Variants in CDH12 observed in about 807,000 individuals in gnomAD.
CDH12 encodes cadherin 12.
In CDH12, 41 loss-of-function variants were observed where a neutral mutation model predicts 74.1. That is an observed-to-expected ratio of 0.55 (90% CI 0.43 to 0.72). The LOEUF (loss-of-function observed/expected upper bound fraction) is 0.72. Among genes scored for constraint, CDH12 ranks in the 30% least tolerant of loss-of-function variants. The probability of loss-of-function intolerance (pLI) is 0.00; values close to 1 mark genes in which losing one functional copy is unlikely to be tolerated. For missense variants in CDH12, 945 were observed against 977.2 expected, an observed-to-expected ratio of 0.97 and a Z score of 0.44; for synonymous variants, 399 against 355.0, an observed-to-expected ratio of 1.12 and a Z score of -1.39.
chr5:22,607,793 G>A (rs181805787), intron 1 of CDH12, among the ~76,000 whole-genome samples: 222 of 152,338 alleles, frequency 1.5e-3, no homozygotes, highest in African/African-American at 5.0e-3. Context: ...AGAGGCCAAC[G>A]TACAGCTCAG....
chr5:21,785,949 C>G (rs1216936952), intron 10 of CDH12, among the ~76,000 whole-genome samples: 1 of 152,174 alleles, frequency 6.6e-6, no homozygotes, highest in South Asian at 2.1e-4. Flanking sequence ...AGAGAGAAGT[C>G]AATGCCTGGC....
chr5:22,513,303 G>A (rs1736684332), intron 1 of CDH12, among the ~76,000 whole-genome samples: 1 of 151,694 alleles, frequency 6.6e-6, no homozygotes, highest in Admixed American at 6.6e-5. Context: ...TGATACAGCT[G>A]AGCATTACTA....
chr5:21,913,316 C>T (rs1753944875), intron 6 of CDH12, among the ~76,000 whole-genome samples: 1 of 152,090 alleles, frequency 6.6e-6, no homozygotes, highest in Non-Finnish European at 1.5e-5. Context: ...ATATTTAAGC[C>T]ATTACAATAA....
chr5:21,920,530 G>T (rs954733100), intron 6 of CDH12, among the ~76,000 whole-genome samples: 2 of 152,166 alleles, frequency 1.3e-5, no homozygotes, highest in East Asian at 3.9e-4. Flanking sequence ...GCCTGTCAGG[G>T]TGTGGGGGCC....
At chr5:22,468,137 T>C (rs1424116740) in intron 2 of CDH12, among the ~76,000 whole-genome samples, 1 of 151,956 alleles carries the variant, frequency 6.6e-6, no homozygotes, top group East Asian at 1.9e-4. Context: ...GGGAGAAGAG[T>C]CTTTGGTTCT....
intron 1 of CDH12, among the ~76,000 whole-genome samples, chr5:22,636,777 C>A (rs1054644601): frequency 1.3e-5 from 2 of 152,086 alleles, no homozygotes; most frequent in Non-Finnish European, 2.9e-5. Context: ...TACTAAAAAC[C>A]ATTACATTTT....
chr5:21,935,019 T>C (rs933601124), intron 6 of CDH12, among the ~76,000 whole-genome samples: 6 of 152,044 alleles, frequency 3.9e-5, no homozygotes, highest in East Asian at 1.9e-4. Context: ...ATCTCCTGAC[T>C]TCGTGATCCG....
chr5:22,365,703 A>G (rs1740999439), intron 3 of CDH12, among the ~76,000 whole-genome samples: 1 of 152,206 alleles, frequency 6.6e-6, no homozygotes, highest in Non-Finnish European at 1.5e-5. Flanking sequence ...CAAAAACTCA[A>G]CAACTCTTTG....
intron 6 of CDH12, among the ~76,000 whole-genome samples, chr5:21,882,425 G>A (rs576010579): frequency 3.9e-5 from 6 of 152,164 alleles, no homozygotes; most frequent in Non-Finnish European, 8.8e-5. Context: ...GACATAGATT[G>A]GCTGTATTGC....
chr5:22,851,780 A>T, intron 1 of CDH12, among the ~76,000 whole-genome samples: 1 of 152,204 alleles, frequency 6.6e-6, no homozygotes, highest in East Asian at 1.9e-4. Flanking sequence ...ATTATTTATA[A>T]TAAAAACTTA....
intron 1 of CDH12, chr5:22,639,001 A>C (rs1283301358): frequency 7.3e-6 from 1 of 136,576 alleles, no homozygotes; most frequent in East Asian, 2.5e-4. Context: ...CAGTGAGCCG[A>C]GATCCCGCCA....
At chr5:21,890,948 C>G (rs146444511) in intron 6 of CDH12, among the ~76,000 whole-genome samples, 221 of 152,168 alleles carry the variant, frequency 1.5e-3, no homozygotes, top group Middle Eastern at 6.8e-3. Context: ...AACTGGCATA[C>G]AGGTTGTCAA....
At chr5:22,776,860 G>T (rs1168644683) in intron 1 of CDH12, among the ~76,000 whole-genome samples, 1 of 152,042 alleles carries the variant, frequency 6.6e-6, no homozygotes, top group Non-Finnish European at 1.5e-5. Flanking sequence ...ATAGTTTCAG[G>T]CAAAGACACA....
At chr5:22,283,257 C>A (rs6879913) in intron 3 of CDH12, among the ~76,000 whole-genome samples, 1 of 138,458 alleles carries the variant, frequency 7.2e-6, no homozygotes. Context: ...TATATACACA[C>A]ACACACACAC....
chr5:21,802,123 T>A, intron 10 of CDH12, 44 bp downstream of exon 10: 1 of 1,570,102 alleles, frequency 6.4e-7, no homozygotes, highest in African/African-American at 1.4e-5. Context: ...CTTGTTTTGT[T>A]TTGTTTTCCT....
intron 2 of CDH12, among the ~76,000 whole-genome samples, chr5:22,480,208 A>AT (rs1293203124): frequency 8.5e-4 from 126 of 148,500 alleles, no homozygotes; most frequent in South Asian, 3.1e-3. Context: ...TTAGGACATC[A>AT]TTTTTTTTTC....
chr5:22,553,874 A>C (rs568521996), intron 1 of CDH12, among the ~76,000 whole-genome samples: 171 of 152,286 alleles, frequency 1.1e-3, no homozygotes, highest in African/African-American at 3.9e-3. Context: ...CCTCGCATGC[A>C]CATTTTGCAA....
chr5:22,158,969 A>G (rs967626333), intron 4 of CDH12, among the ~76,000 whole-genome samples: 3 of 152,176 alleles, frequency 2.0e-5, no homozygotes, highest in Non-Finnish European at 4.4e-5. Context: ...CATATAAAAT[A>G]AAACTTCGTT....
intron 5 of CDH12, among the ~76,000 whole-genome samples, chr5:22,025,421 T>C (rs1397839821): frequency 6.6e-6 from 1 of 152,156 alleles, no homozygotes; most frequent in African/African-American, 2.4e-5. Context: ...TAGCATTATA[T>C]CTAAAGAAAA....
Sources: gnomAD v4.1 joint callset for allele counts (sites outside exome capture counted in the v4.1 genomes callset) on GRCh38, gnomAD v4.1.1 for gene constraint, MANE v1.5 for transcripts, NCBI Gene and HGNC (gene_info 2026-07-23, HGNC 2026-07-21) for gene names.